PEBP4: variants seen among roughly 807,000 people sequenced by gnomAD.
The protein encoded by PEBP4 is phosphatidylethanolamine binding protein 4, also known as phosphatidylethanolamine-binding protein 4.
PEBP4 carries 22 observed loss-of-function variants against 23.9 expected under a neutral mutation model. That is an observed-to-expected ratio of 0.92 (90% CI 0.66 to 1.31). The LOEUF (loss-of-function observed/expected upper bound fraction) is 1.31. Ranked by LOEUF, PEBP4 falls within the 40% of genes most tolerant of loss-of-function variation. PEBP4 has a pLI of 0.00. For synonymous variants in PEBP4, 112 were observed against 99.3 expected (o/e 1.13, Z -0.76); for missense variants, 324 against 281.7 (o/e 1.15, Z -1.07).
At chr8:22,722,602 T>A (rs1314205025) in intron 6 of PEBP4, among the ~76,000 whole-genome samples, 1 of 152,162 alleles carries the variant, frequency 6.6e-6, no homozygotes, top group African/African-American at 2.4e-5. Context: ...CTGCTTTGCA[T>A]TGTTGTTTAA....
At chr8:22,783,977 ATCACT>A (rs1805978283) in intron 4 of PEBP4, among the ~76,000 whole-genome samples, 2 of 152,146 alleles carry the variant, frequency 1.3e-5, no homozygotes, top group Non-Finnish European at 2.9e-5. Context: ...AGGGGAAGAG[ATCACT>A]GGCTTTGGAG....
intron 3 of PEBP4, among the ~76,000 whole-genome samples, chr8:22,825,559 G>C (rs942850269): frequency 6.6e-6 from 1 of 152,206 alleles, no homozygotes; most frequent in Admixed American, 6.5e-5. Flanking sequence ...TGGACTGGTG[G>C]TTCTTAGCTA....
intron 4 of PEBP4, among the ~76,000 whole-genome samples, chr8:22,809,214 C>T (rs1449877486): frequency 2.0e-5 from 3 of 152,132 alleles, no homozygotes; most frequent in Non-Finnish European, 2.9e-5. Context: ...AACATTCCTG[C>T]GAGGTCGACT....
intron 1 of PEBP4, among the ~76,000 whole-genome samples, chr8:22,937,166 G>A (rs1009728798): frequency 3.7e-4 from 57 of 152,166 alleles, no homozygotes; most frequent in African/African-American, 1.1e-3. Context: ...TCTGTTTGCA[G>A]ATGACAATCT....
At chr8:22,766,793 C>A (rs1805622582) in intron 4 of PEBP4, among the ~76,000 whole-genome samples, 1 of 152,230 alleles carries the variant, frequency 6.6e-6, no homozygotes, top group Non-Finnish European at 1.5e-5. Context: ...TCTCCCTGCA[C>A]TCCTTGCTTC....
chr8:22,921,965 A>T (rs1204243020), intron 2 of PEBP4, among the ~76,000 whole-genome samples: 1 of 152,228 alleles, frequency 6.6e-6, no homozygotes, highest in Non-Finnish European at 1.5e-5. Context: ...CTGAGGGTGG[A>T]GGGACGCCCT....
intron 3 of PEBP4, among the ~76,000 whole-genome samples, chr8:22,887,491 T>C (rs748902471): frequency 6.6e-6 from 1 of 150,972 alleles, no homozygotes; most frequent in Non-Finnish European, 1.5e-5. Context: ...TAAGACTGGG[T>C]GTGGTGGTCC....
intron 3 of PEBP4, among the ~76,000 whole-genome samples, chr8:22,843,016 C>T (rs906903783): frequency 2.0e-5 from 3 of 152,134 alleles, no homozygotes; most frequent in East Asian, 3.9e-4. Flanking sequence ...CTAATAGAGA[C>T]GGGGTTTCAC....
At chr8:22,830,149 T>TC (rs1807054989) in intron 3 of PEBP4, among the ~76,000 whole-genome samples, 1 of 97,428 alleles carries the variant, frequency 1.0e-5, no homozygotes, top group African/African-American at 4.6e-5. Flanking sequence ...GTGTGTGTTT[T>TC]TACGGAGTCT....
chr8:22,739,994 G>T (rs578158636), intron 4 of PEBP4, among the ~76,000 whole-genome samples: 1 of 152,150 alleles, frequency 6.6e-6, no homozygotes, highest in South Asian at 2.1e-4. Context: ...CAGATTCCTC[G>T]TTCTGTTCTC....
intron 4 of PEBP4, among the ~76,000 whole-genome samples, chr8:22,756,434 A>T (rs1391582126): frequency 6.6e-6 from 1 of 152,212 alleles, no homozygotes; most frequent in African/African-American, 2.4e-5. Context: ...TAATTCCGAC[A>T]GTCTCGGCCA....
At position 22,802,296 on chromosome 8, in the gene PEBP4, C is replaced by T. The variant is rs1806399792; in HGVS notation, c.357+15341G>A. On this transcript the variant is annotated intron_variant, in intron 4 of 6. Coordinates refer to ENST00000256404, the MANE Select transcript of PEBP4 (RefSeq NM_144962.3). Reference sequence around the variant, plus strand: ...GTTGGCAGGGGAGCCCCAAGAAGCCCCTGGGCCTTCCCACCCATCCCCACT... The same window carrying T: ...GTTGGCAGGGGAGCCCCAAGAAGCCTCTGGGCCTTCCCACCCATCCCCACT... Among the ~76,000 whole-genome samples the T allele has an allele frequency of 3.3e-5, 5 of 152,204 alleles. No homozygotes were observed. The South Asian group carries it at 1.0e-3, about 32-fold the overall frequency.
intron 3 of PEBP4, among the ~76,000 whole-genome samples, chr8:22,892,757 G>A (rs919796527): frequency 2.0e-5 from 3 of 152,174 alleles, no homozygotes; most frequent in African/African-American, 7.2e-5. Context: ...CAAAATACAT[G>A]AAACAATGGT....
chr8:22,890,855 T>A (rs945097843), intron 3 of PEBP4, among the ~76,000 whole-genome samples: 6 of 152,032 alleles, frequency 3.9e-5, no homozygotes, highest in African/African-American at 1.4e-4. Context: ...TGAGATGGAG[T>A]CTCACCCTGT....
intron 3 of PEBP4, among the ~76,000 whole-genome samples, chr8:22,835,950 T>C (rs1357031119): frequency 1.3e-5 from 2 of 152,256 alleles, no homozygotes; most frequent in African/African-American, 4.8e-5. Flanking sequence ...TCACAGTTAC[T>C]GAGGGAGACA....
chr8:22,806,162 C>T (rs1806490826), intron 4 of PEBP4, among the ~76,000 whole-genome samples: 1 of 152,166 alleles, frequency 6.6e-6, no homozygotes. Context: ...TGATTTAGAA[C>T]CTAAATATAG....
At chr8:22,879,905 T>G (rs1176866830) in intron 3 of PEBP4, among the ~76,000 whole-genome samples, 1 of 152,222 alleles carries the variant, frequency 6.6e-6, no homozygotes, top group African/African-American at 2.4e-5. Flanking sequence ...ATGGTAAGAT[T>G]CTATGGCACA....
At chr8:22,776,636 A>G (rs1349476526) in intron 4 of PEBP4, among the ~76,000 whole-genome samples, 1 of 151,362 alleles carries the variant, frequency 6.6e-6, no homozygotes, top group Non-Finnish European at 1.5e-5. Context: ...TTCTCTCCCT[A>G]TCTGCAAACA....
At position 22,741,162 on chromosome 8, in the gene PEBP4, C is replaced by A. The variant is rs552220978; in HGVS notation, c.358-13942G>T. On this transcript the variant is annotated intron_variant, in intron 4 of 6. Transcript: ENST00000256404. ...CTAGGGCCCTGTCCCAAGCAGGAGG[C>A]CAGCAGTCAGGCAACTTCCTCGGGT... Among the ~76,000 whole-genome samples, 4 of 152,288 alleles carry A rather than the reference C, an allele frequency of 2.6e-5. No individual in the cohort carries two copies. In the East Asian group the frequency reaches 7.7e-4, roughly 29 times the overall value.
Sources: gnomAD v4.1 joint callset for allele counts (sites outside exome capture counted in the v4.1 genomes callset) on GRCh38, gnomAD v4.1.1 for gene constraint, MANE v1.5 for transcripts, NCBI Gene and HGNC (gene_info 2026-07-23, HGNC 2026-07-21) for gene names.